Variants in MANEA observed in about 807,000 individuals in gnomAD.
MANEA encodes the protein mannosidase endo-alpha.
In MANEA, 25 loss-of-function variants were observed where a neutral mutation model predicts 36.8. The observed-to-expected ratio is 0.68, with a 90% CI of 0.50 to 0.95. The LOEUF (loss-of-function observed/expected upper bound fraction) is 0.95, where lower values mean the gene tolerates loss of function less well. MANEA is among the 40% of genes least tolerant of loss of function. MANEA has a pLI of 0.00. For synonymous variants in MANEA, 198 were observed against 188.5 expected (o/e 1.05, Z -0.41); for missense variants, 565 against 558.8 (o/e 1.01, Z -0.11).
chr6:95,583,794 T>G (rs1000085965), intron 1 of MANEA, among the ~76,000 whole-genome samples: 30 of 152,346 alleles, frequency 2.0e-4, no homozygotes, highest in African/African-American at 7.0e-4. Context: ...ACATGTCTTT[T>G]ATACTATTCT....
intron 2 of MANEA, among the ~76,000 whole-genome samples, chr6:95,590,773 A>C: frequency 6.6e-6 from 1 of 152,192 alleles, no homozygotes; most frequent in East Asian, 1.9e-4. Context: ...CTTGCAAATA[A>C]TATATACTTA....
chr6:95,605,734 T>C lies in MANEA; in HGVS notation c.732-14T>C. 6.3e-7 allele frequency: 1 copy of C among 1,588,684 alleles called. No individual in the cohort carries two copies. The highest frequency in any genetic ancestry group is 1.1e-5 in the South Asian group (1 of 89,150). ...TGAATATTCATTTCACTTTTATATA[T>C]GCTTATTTTCTAGATATGGAAATCA... is the stretch of plus-strand genomic sequence containing the variant. On this transcript the variant is annotated splice_polypyrimidine_tract_variant and intron_variant, in intron 4 of 4. Coordinates refer to ENST00000358812, the MANE Select transcript of MANEA (RefSeq NM_024641.4).
chr6:95,600,399 A>C (rs1769565572), intron 3 of MANEA, among the ~76,000 whole-genome samples: 1 of 152,198 alleles, frequency 6.6e-6, no homozygotes, highest in African/African-American at 2.4e-5. Flanking sequence ...TAGTTCCTTG[A>C]TCTTCTTGGC....
At position 95,586,581 on chromosome 6, in the gene MANEA, C is replaced by A; in HGVS notation, c.142C>A (p.Leu48Ile). Residue 48 changes from leucine to isoleucine, a missense_variant, in exon 2 of 5, where the codon CTT (leucine) becomes ATT (isoleucine). By Grantham distance (5) the Leu-to-Ile change is conservative. Transcript: ENST00000358812. ...TTTTGGACTTGACCTTCTTCCAGAA[C>A]TTCATCAACGAACTATTCATTTGGG... is the stretch of plus-strand genomic sequence containing the variant. Reference protein sequence around the residue: ...APFGLDLLPELHQRTIHLGKN... With the variant: ...APFGLDLLPEIHQRTIHLGKN... 1 of 1,613,996 alleles carries A rather than the reference C, an allele frequency of 6.2e-7. No individual in the cohort carries two copies. Among genetic ancestry groups the A allele is most frequent in the African/African-American group, 1.3e-5 (1 of 75,020 alleles).
chr6:95,577,781 C>T (rs1163033368), intron 1 of MANEA, 143 bp downstream of exon 1: 1 of 152,290 alleles, frequency 6.6e-6, no homozygotes, highest in Admixed American at 6.5e-5. Flanking sequence ...TGACCCGGCG[C>T]CCCTCTGGCA....
Position 95,585,479 on chromosome 6 carries a change from T to G in MANEA, c.-38-923T>G, listed in dbSNP as rs527572920. Among the ~76,000 whole-genome samples the G allele has an allele frequency of 4.9e-4, 75 of 152,186 alleles. 1 individual carries two copies. In the Middle Eastern group the frequency reaches 0.02, roughly 41 times the overall value. ...GGCACACACCACCATGCCTAGCCAA[T>G]TTTTTAAAAGTTTGTGTAGGGATGG... On this transcript the variant is annotated intron_variant, in intron 1 of 4. Coordinates refer to ENST00000358812, the MANE Select transcript of MANEA (RefSeq NM_024641.4).
At chr6:95,596,120 T>C (rs1769476756) in intron 2 of MANEA, among the ~76,000 whole-genome samples, 1 of 152,110 alleles carries the variant, frequency 6.6e-6, no homozygotes, top group Non-Finnish European at 1.5e-5. Context: ...ATTCCAACTA[T>C]ATGACCTTCT....
In MANEA at chr6:95,586,746, C is replaced by T. The variant is rs370015910; in HGVS notation, c.307C>T (p.Leu103=). 10 of 1,613,678 alleles carry T rather than the reference C, an allele frequency of 6.2e-6. No homozygotes were observed. The highest frequency in any genetic ancestry group is 5.3e-5 in the African/African-American group (4 of 75,040). Residue 103 remains leucine (L), a synonymous_variant, in exon 2 of 5, where the codon CTA becomes TTA. Coordinates refer to ENST00000358812, the MANE Select transcript of MANEA (RefSeq NM_024641.4). ...LDELPPLNNY[L]HVFYYSWYGN... ...TGAACTACCACCTCTGAACAATTAT[C>T]TACATGTATTTTATTACAGTTGGTA...
intron 2 of MANEA, among the ~76,000 whole-genome samples, chr6:95,589,094 A>T (rs7749186): frequency 0.43 from 65,065 of 151,764 alleles, 14,321 homozygotes; most frequent in Middle Eastern, 0.59. Flanking sequence ...AAATTAAAAA[A>T]TAAACTTGAT....
At chr6:95,603,005 C>G (rs1272807994) in intron 3 of MANEA, among the ~76,000 whole-genome samples, 1 of 113,844 alleles carries the variant, frequency 8.8e-6, no homozygotes, top group Non-Finnish European at 1.6e-5. Context: ...CCGGCCTGGG[C>G]GACAGAGCGA....
At chr6:95,583,992 A>G (rs1769232657) in intron 1 of MANEA, among the ~76,000 whole-genome samples, 1 of 152,144 alleles carries the variant, frequency 6.6e-6, no homozygotes, top group Non-Finnish European at 1.5e-5. Flanking sequence ...GCAGCAGAGG[A>G]ACATAAATTG....
chr6:95,588,449 A>G (rs1378284791), intron 2 of MANEA, among the ~76,000 whole-genome samples: 1 of 151,958 alleles, frequency 6.6e-6, no homozygotes, highest in Non-Finnish European at 1.5e-5. Flanking sequence ...TTTAGTTTCT[A>G]TGTTCTGTAT....
chr6:95,595,533 G>T (rs1769467141), intron 2 of MANEA, among the ~76,000 whole-genome samples: 1 of 152,104 alleles, frequency 6.6e-6, no homozygotes, highest in African/African-American at 2.4e-5. Flanking sequence ...ATGGCGGCTA[G>T]CACAAAACTT....
intron 2 of MANEA, 117 bp downstream of exon 2, chr6:95,587,100 A>G (rs1463928796): frequency 1.5e-6 from 1 of 663,882 alleles, no homozygotes; most frequent in Non-Finnish European, 2.6e-6. Flanking sequence ...TGTTAAGCTC[A>G]TACCTCCAAA....
intron 2 of MANEA, among the ~76,000 whole-genome samples, chr6:95,588,536 C>G (rs1026753878): frequency 6.6e-6 from 1 of 151,848 alleles, no homozygotes; most frequent in Non-Finnish European, 1.5e-5. Flanking sequence ...GTGTGTGTGT[C>G]TGTCTCTACT....
chr6:95,592,994 G>C (rs1769411046), intron 2 of MANEA, among the ~76,000 whole-genome samples: 1 of 152,166 alleles, frequency 6.6e-6, no homozygotes, highest in South Asian at 2.1e-4. Context: ...GGTGACATGA[G>C]CAACATGACA....
intron 2 of MANEA, among the ~76,000 whole-genome samples, chr6:95,596,098 A>G (rs1484463694): frequency 6.6e-6 from 1 of 152,164 alleles, no homozygotes; most frequent in Non-Finnish European, 1.5e-5. Context: ...CTAAAAAGCT[A>G]CATACTTTGT....
chr6:95,604,061 G>GGGGTGTGTGTGTGTGTGTGTGT (rs369467389), intron 3 of MANEA, among the ~76,000 whole-genome samples: 5 of 138,320 alleles, frequency 3.6e-5, no homozygotes, highest in African/African-American at 1.1e-4. Context: ...TATGTATGTA[G>GGGGTGTGTGTGTGTGTGTGTGT]GTGTGTGTGT....
At chr6:95,587,942 T>A (rs1769318666) in intron 2 of MANEA, among the ~76,000 whole-genome samples, 1 of 152,066 alleles carries the variant, frequency 6.6e-6, no homozygotes, top group Non-Finnish European at 1.5e-5. Context: ...CTTATGTTAT[T>A]CATTTGTTTT....
Sources: allele counts gnomAD v4.1 joint callset (sites outside exome capture counted in the v4.1 genomes callset), GRCh38; gene constraint gnomAD v4.1.1; transcripts MANE v1.5; gene names NCBI Gene and HGNC (gene_info 2026-07-23, HGNC 2026-07-21).